The following CHCHD6 variants were observed in gnomAD, a reference collection of about 807,000 sequenced individuals.
CHCHD6 encodes MICOS complex subunit MIC25.
In CHCHD6, 28 loss-of-function variants were observed where a neutral mutation model predicts 32.3. That is an observed-to-expected ratio of 0.87 (90% CI 0.64 to 1.19). The LOEUF is 1.19. Ranked by LOEUF, CHCHD6 falls within the 50% of genes most tolerant of loss-of-function variation. The pLI is 0.00. For synonymous variants in CHCHD6, 122 were observed against 117.5 expected, an observed-to-expected ratio of 1.04 and a Z score of -0.25; for missense variants, 333 against 307.0, an observed-to-expected ratio of 1.08 and a Z score of -0.63.
At chr3:126,804,927 T>G (rs1199871202) in intron 4 of CHCHD6, among the ~76,000 whole-genome samples, 1 of 151,954 alleles carries the variant, frequency 6.6e-6, no homozygotes, top group Non-Finnish European at 1.5e-5. Flanking sequence ...ATCCAGCATA[T>G]AAACAGAACC....
intron 4 of CHCHD6, among the ~76,000 whole-genome samples, chr3:126,789,479 G>A (rs1371409993): frequency 4.6e-5 from 7 of 152,142 alleles, no homozygotes; most frequent in Non-Finnish European, 7.3e-5. Flanking sequence ...AGGTCTCTAA[G>A]GCCTTGCTTT....
At chr3:126,732,459 A>G (rs1935856105) in intron 3 of CHCHD6, among the ~76,000 whole-genome samples, 1 of 152,246 alleles carries the variant, frequency 6.6e-6, no homozygotes, top group Non-Finnish European at 1.5e-5. Context: ...ACCTACAGAC[A>G]AATGAAAGAC....
At chr3:126,736,536 T>C (rs78430237) in intron 4 of CHCHD6, among the ~76,000 whole-genome samples, 1 of 152,234 alleles carries the variant, frequency 6.6e-6, no homozygotes, top group Non-Finnish European at 1.5e-5. Flanking sequence ...TTTCCAATAT[T>C]GATTTTAAAA....
At chr3:126,754,620 C>T (rs545396475) in intron 4 of CHCHD6, among the ~76,000 whole-genome samples, 6 of 152,332 alleles carry the variant, frequency 3.9e-5, no homozygotes, top group East Asian at 1.9e-4. Context: ...TCTAACAGCT[C>T]GGCTTCCGAA....
intron 5 of CHCHD6, among the ~76,000 whole-genome samples, chr3:126,857,552 G>A (rs774446602): frequency 3.9e-5 from 6 of 152,068 alleles, no homozygotes; most frequent in Admixed American, 3.3e-4. Flanking sequence ...CACTGACACC[G>A]CTCAACAGAC....
chr3:126,727,634 C>G (rs749170242), intron 2 of CHCHD6, among the ~76,000 whole-genome samples: 6 of 152,202 alleles, frequency 3.9e-5, no homozygotes, highest in Non-Finnish European at 7.4e-5. Flanking sequence ...ACCTGAGCCT[C>G]AGGCCGAGAG....
chr3:126,795,468 G>T (rs1039541911), intron 4 of CHCHD6, among the ~76,000 whole-genome samples: 1 of 152,144 alleles, frequency 6.6e-6, no homozygotes, highest in Non-Finnish European at 1.5e-5. Context: ...TCTGAGTTAA[G>T]AATTGGGCAT....
chr3:126,842,482 C>T (rs952489784), intron 4 of CHCHD6, among the ~76,000 whole-genome samples: 24 of 152,168 alleles, frequency 1.6e-4, no homozygotes, highest in African/African-American at 5.5e-4. Flanking sequence ...GATGGAATGA[C>T]GTGGTCCCCA....
At chr3:126,940,445 C>T (rs1309957009) in intron 6 of CHCHD6, among the ~76,000 whole-genome samples, 3 of 152,130 alleles carry the variant, frequency 2.0e-5, no homozygotes, top group African/African-American at 7.2e-5. Flanking sequence ...TGTAACCAAT[C>T]ACTTATTGAT....
At chr3:126,727,716 C>T (rs1935600724) in intron 2 of CHCHD6, among the ~76,000 whole-genome samples, 1 of 152,140 alleles carries the variant, frequency 6.6e-6, no homozygotes, top group Non-Finnish European at 1.5e-5. Flanking sequence ...TCTTCCTGGC[C>T]CACTGTGAAG....
chr3:126,785,475 G>A (rs1938152316), intron 4 of CHCHD6, among the ~76,000 whole-genome samples: 1 of 152,216 alleles, frequency 6.6e-6, no homozygotes, highest in African/African-American at 2.4e-5. Flanking sequence ...AGTCAAGGGA[G>A]AGCATAACAC....
At chr3:126,764,263 C>A (rs187749344) in intron 4 of CHCHD6, among the ~76,000 whole-genome samples, 1 of 149,424 alleles carries the variant, frequency 6.7e-6, no homozygotes, top group Non-Finnish European at 1.5e-5. Context: ...CTAAACCAGG[C>A]ACCTTCAACC....
intron 1 of CHCHD6, among the ~76,000 whole-genome samples, chr3:126,716,817 T>G (rs1576330594): frequency 6.6e-6 from 1 of 151,164 alleles, no homozygotes; most frequent in Non-Finnish European, 1.5e-5. Flanking sequence ...AGGGGTGGGG[T>G]TGATAGGGGG....
intron 4 of CHCHD6, among the ~76,000 whole-genome samples, chr3:126,834,243 G>A (rs779327554): frequency 3.9e-5 from 6 of 152,074 alleles, no homozygotes; most frequent in Non-Finnish European, 7.4e-5. Flanking sequence ...CTTTCATGAA[G>A]CCCCTGTATC....
In CHCHD6 at chr3:126,914,793, T is replaced by C. The variant is rs199708316; in HGVS notation, c.566+43T>C. On this transcript the variant is annotated intron_variant, in intron 6 of 7. Transcript: ENST00000290913. ...ATTCTTTGTAAACTTGGCCCACAAT[T>C]GTAAAAATTCCCACATGTGGCTTGA... 5.0e-5 allele frequency: 59 copies of C among 1,188,228 alleles called. No individual in the cohort carries two copies. The African/African-American group carries it at 7.3e-4, about 15-fold the overall frequency. The allele number at this position is 1,188,228 out of a possible 1,614,324, so 73.6% of individuals were successfully genotyped here.
At chr3:126,781,811 CT>C (rs1937956280) in intron 4 of CHCHD6, among the ~76,000 whole-genome samples, 1 of 152,200 alleles carries the variant, frequency 6.6e-6, no homozygotes, top group African/African-American at 2.4e-5. Context: ...TTCCCACTCT[CT>C]TTTTTAGCCT....
intron 6 of CHCHD6, among the ~76,000 whole-genome samples, chr3:126,921,193 A>AC (rs1211198410): frequency 1.3e-5 from 2 of 152,128 alleles, no homozygotes; most frequent in East Asian, 3.9e-4. Context: ...TAGGACACCA[A>AC]CCTGTACTGA....
chr3:126,779,440 G>C (rs1559838605), intron 4 of CHCHD6, among the ~76,000 whole-genome samples: 1 of 150,772 alleles, frequency 6.6e-6, no homozygotes, highest in Non-Finnish European at 1.5e-5. Flanking sequence ...AGGAGGCTGA[G>C]GCAGGAGAAT....
At chr3:126,816,314 A>T (rs752837944) in intron 4 of CHCHD6, among the ~76,000 whole-genome samples, 5 of 152,182 alleles carry the variant, frequency 3.3e-5, no homozygotes, top group Non-Finnish European at 7.3e-5. Flanking sequence ...GCGTTGTCAT[A>T]TTAATCCTGA....
Sources: allele counts gnomAD v4.1 joint callset (sites outside exome capture counted in the v4.1 genomes callset), GRCh38; gene constraint gnomAD v4.1.1; transcripts MANE v1.5; gene names NCBI Gene and HGNC (gene_info 2026-07-23, HGNC 2026-07-21).